ELAVL2: variants seen among roughly 807,000 people sequenced by gnomAD.
ELAVL2 encodes the protein ELAV like RNA binding protein 2, also known as ELAV-like protein 2.
ELAVL2 carries 4 observed loss-of-function variants against 34.6 expected under a neutral mutation model. The ratio of observed to expected loss-of-function variants is 0.12; its 90% confidence interval spans 0.06 to 0.26. ELAVL2 has a LOEUF of 0.26. ELAVL2 is among the 10% of genes least tolerant of loss of function. The pLI, the probability that ELAVL2 is intolerant of heterozygous loss-of-function variation, is 1.00. For synonymous variants in ELAVL2, 193 were observed against 154.8 expected (o/e 1.25, Z -1.83); for missense variants, 432 against 442.8 (o/e 0.98, Z 0.22).
Position 23,693,476 on chromosome 9 carries a change from G to C in ELAVL2, c.724C>G (p.Leu242Val), listed in dbSNP as rs1433584550. The change falls in exon 6 of 7, where the codon CTG becomes GTG. Residue 242 changes from leucine to valine, a missense_variant. Around this residue, in one of 3 missense-constraint regions of ELAVL2, gnomAD observed 295 missense variants for 306.1 expected, o/e 0.96. Coordinates refer to ENST00000397312, the MANE Select transcript of ELAVL2 (RefSeq NM_004432.5). ...QQAQRFRLDN[L>V]LNMAYGVKRF... ...TTTACTCCATAAGCCATATTGAGCAGATTGTCCAACCTGCAAAACACACAT... is the reference window on the plus strand; with the variant it reads ...TTTACTCCATAAGCCATATTGAGCACATTGTCCAACCTGCAAAACACACAT... 1.1e-5 allele frequency: 17 copies of C among 1,614,110 alleles called. No individual in the cohort carries two copies. Among genetic ancestry groups the C allele is most frequent in the Non-Finnish European group, 1.4e-5 (17 of 1,179,960 alleles).
intron 1 of ELAVL2, among the ~76,000 whole-genome samples, chr9:23,800,774 C>T (rs1412652402): frequency 1.3e-5 from 2 of 152,220 alleles, no homozygotes; most frequent in South Asian, 2.1e-4. Flanking sequence ...AAACAGATGA[C>T]GTATGAAATT....
chr9:23,710,472 A>G (rs1247221016), intron 3 of ELAVL2, among the ~76,000 whole-genome samples: 2 of 152,250 alleles, frequency 1.3e-5, no homozygotes, highest in Non-Finnish European at 2.9e-5. Flanking sequence ...TAATACCAAT[A>G]GATTAAAGTG....
upstream of ELAVL2, among the ~76,000 whole-genome samples, chr9:23,830,620 A>ACACC (rs2065469681): frequency 7.0e-6 from 1 of 143,132 alleles, no homozygotes. Flanking sequence ...ACACACACAC[A>ACACC]CACACCTTTT....
At chr9:23,771,298 A>G (rs946491270) in intron 1 of ELAVL2, among the ~76,000 whole-genome samples, 1 of 152,196 alleles carries the variant, frequency 6.6e-6, no homozygotes, top group African/African-American at 2.4e-5. Flanking sequence ...TTTAGATACT[A>G]ACTGCTCACA....
intron 1 of ELAVL2, among the ~76,000 whole-genome samples, chr9:23,822,880 C>T (rs914537348): frequency 6.6e-6 from 1 of 152,166 alleles, no homozygotes; most frequent in Non-Finnish European, 1.5e-5. Context: ...GCAGCAAGGT[C>T]CGCTAAGGGC....
chr9:23,789,397 T>C (rs1322210726), intron 1 of ELAVL2, among the ~76,000 whole-genome samples: 1 of 152,198 alleles, frequency 6.6e-6, no homozygotes, highest in Non-Finnish European at 1.5e-5. Flanking sequence ...TTATGCTACA[T>C]ACAAAATTAC....
At chr9:23,827,331 TA>T (rs1287027417), upstream of ELAVL2, among the ~76,000 whole-genome samples, 1 of 152,230 alleles carries the variant, frequency 6.6e-6, no homozygotes, top group Non-Finnish European at 1.5e-5. Context: ...CCCCATATTT[TA>T]ACAGCATTCA....
intron 3 of ELAVL2, among the ~76,000 whole-genome samples, chr9:23,729,525 C>A (rs1415314165): frequency 6.6e-6 from 1 of 152,084 alleles, no homozygotes; most frequent in Non-Finnish European, 1.5e-5. Context: ...GCAGTTCAGA[C>A]TGAAAAAACT....
intron 4 of ELAVL2, among the ~76,000 whole-genome samples, chr9:23,704,098 A>C (rs1248456178): frequency 2.2e-5 from 3 of 134,110 alleles, no homozygotes; most frequent in Non-Finnish European, 5.0e-5. Flanking sequence ...ACACCCAGCT[A>C]ATTTTGTATT....
chr9:23,788,704 G>A (rs1471325954), intron 1 of ELAVL2, among the ~76,000 whole-genome samples: 1 of 152,166 alleles, frequency 6.6e-6, no homozygotes, highest in Admixed American at 6.6e-5. Flanking sequence ...CTACTCTTGT[G>A]CTTTGGGGCC....
intron 1 of ELAVL2, among the ~76,000 whole-genome samples, chr9:23,822,196 T>C (rs1474825596): frequency 1.3e-5 from 2 of 152,120 alleles, no homozygotes; most frequent in African/African-American, 4.8e-5. Flanking sequence ...TATTTATAAA[T>C]ATATATAAGT....
Position 23,761,232 on chromosome 9 carries a change from C to T in ELAVL2, c.229+774G>A, listed in dbSNP as rs7871431. Among the ~76,000 whole-genome samples, 17 of 152,192 alleles carry T rather than the reference C, an allele frequency of 1.1e-4. No homozygotes were observed. The South Asian group carries it at 2.9e-3, about 26-fold the overall frequency. On this transcript the variant is annotated intron_variant, in intron 2 of 6. Coordinates refer to ENST00000397312, the MANE Select transcript of ELAVL2 (RefSeq NM_004432.5). ...AAAGTCCACAGAGTCTGTCTACCTT[C>T]GTATATTTTTAGTGTTTAACTTCAT...
intron 1 of ELAVL2, among the ~76,000 whole-genome samples, chr9:23,822,136 C>G (rs1312376642): frequency 6.6e-6 from 1 of 152,112 alleles, no homozygotes; most frequent in Non-Finnish European, 1.5e-5. Flanking sequence ...GGGGCGCTAA[C>G]GGGGAGTCAG....
At chr9:23,703,849 A>G (rs2038352970) in intron 4 of ELAVL2, among the ~76,000 whole-genome samples, 1 of 152,228 alleles carries the variant, frequency 6.6e-6, no homozygotes. Flanking sequence ...CTATGGTACT[A>G]CAGCTAATAT....
intron 1 of ELAVL2, among the ~76,000 whole-genome samples, chr9:23,818,194 G>T (rs888582433): frequency 2.0e-5 from 3 of 152,136 alleles, no homozygotes; most frequent in Non-Finnish European, 4.4e-5. Flanking sequence ...CCTCCATAGT[G>T]AATTTGATAG....
At chr9:23,742,972 A>T (rs2049625933) in intron 2 of ELAVL2, among the ~76,000 whole-genome samples, 1 of 152,192 alleles carries the variant, frequency 6.6e-6, no homozygotes, top group Non-Finnish European at 1.5e-5. Context: ...TGCTGAGTAT[A>T]AAGGAAACCT....
At chr9:23,779,341 C>T (rs1446567213) in intron 1 of ELAVL2, 5 of 985,302 alleles carry the variant, frequency 5.1e-6, no homozygotes, top group Non-Finnish European at 4.8e-6. Flanking sequence ...AATTCCAGGG[C>T]CTGCAGAAAG....
At chr9:23,707,638 C>T (rs1175469959) in intron 3 of ELAVL2, among the ~76,000 whole-genome samples, 2 of 152,198 alleles carry the variant, frequency 1.3e-5, no homozygotes, top group East Asian at 3.8e-4. Context: ...TGTGCCTGGG[C>T]TCAAAACTAG....
intron 3 of ELAVL2, among the ~76,000 whole-genome samples, chr9:23,723,421 T>C (rs1054678252): frequency 6.6e-6 from 1 of 150,732 alleles, no homozygotes; most frequent in African/African-American, 2.4e-5. Context: ...GGGACTGTTG[T>C]GGGGACGGGG....
Sources: allele counts gnomAD v4.1 joint callset (sites outside exome capture counted in the v4.1 genomes callset), GRCh38; gene constraint gnomAD v4.1.1; regional missense constraint gnomAD v4.1.1; transcripts MANE v1.5; gene names NCBI Gene and HGNC (gene_info 2026-07-23, HGNC 2026-07-21).